NXPE4: variants seen among roughly 807,000 people sequenced by gnomAD.
NXPE4 encodes NXPE family member 4.
NXPE4 carries 42 observed loss-of-function variants against 33.3 expected under a neutral mutation model. The observed-to-expected ratio is 1.26, with a 90% CI of 0.98 to 1.63. The LOEUF is 1.63. Among genes scored for constraint, NXPE4 ranks in the 40% most tolerant of loss-of-function variants. The pLI, the probability that NXPE4 is intolerant of heterozygous loss-of-function variation, is 0.00. For missense variants in NXPE4, 709 were observed against 647.6 expected (o/e 1.09, Z -1.03); for synonymous variants, 253 against 234.9 (o/e 1.08, Z -0.71).
At chr11:114,602,263 AATATATATTAT>A in the NXPE4 span, among the ~76,000 whole-genome samples, 8 of 118,404 alleles carry the variant, frequency 6.8e-5, no homozygotes, top group South Asian at 1.9e-3. Context: ...TGTTATATAT[AATATATATTAT>A]ACTATATATA....
At chr11:114,625,609 A>G in the NXPE4 span, among the ~76,000 whole-genome samples, 1 of 151,702 alleles carries the variant, frequency 6.6e-6, no homozygotes. Context: ...TGGATAATAA[A>G]TATTGCCTCG....
chr11:114,605,586 C>A, the NXPE4 span, among the ~76,000 whole-genome samples: 2 of 151,428 alleles, frequency 1.3e-5, no homozygotes, highest in East Asian at 2.0e-4. Flanking sequence ...ATAAGTATTG[C>A]CTCGTCGGTA....
the NXPE4 span, among the ~76,000 whole-genome samples, chr11:114,667,554 G>C: frequency 3.3e-5 from 5 of 152,130 alleles, no homozygotes; most frequent in African/African-American, 1.2e-4. Context: ...TGGAAGTCAT[G>C]ACATGTGAGA....
upstream of NXPE4, chr11:114,595,880 T>C (rs544618695): frequency 1.6e-4 from 24 of 152,456 alleles, no homozygotes; most frequent in East Asian, 2.4e-3. Context: ...TGAAGTGCTC[T>C]GCATAGTAGG....
chr11:114,624,343 G>C, the NXPE4 span, among the ~76,000 whole-genome samples: 1 of 151,836 alleles, frequency 6.6e-6, no homozygotes, highest in African/African-American at 2.4e-5. Flanking sequence ...TTACTCAGTG[G>C]ATAATAATTA....
the NXPE4 span, among the ~76,000 whole-genome samples, chr11:114,639,991 T>A: frequency 8.4e-6 from 1 of 118,656 alleles, no homozygotes; most frequent in African/African-American, 3.4e-5. Flanking sequence ...AATATAATAA[T>A]GTTATATAAT....
the NXPE4 span, among the ~76,000 whole-genome samples, chr11:114,659,605 A>G: frequency 3.7e-3 from 557 of 152,262 alleles, 2 homozygotes; most frequent in African/African-American, 0.012. Flanking sequence ...TCACAAGAAT[A>G]CTAGAAAATA....
At chr11:114,638,820 T>C in the NXPE4 span, among the ~76,000 whole-genome samples, 1 of 151,990 alleles carries the variant, frequency 6.6e-6, no homozygotes, top group African/African-American at 2.4e-5. Context: ...ATTGTTCCTC[T>C]GGAAGTTTTG....
At chr11:114,659,489 G>A in the NXPE4 span, among the ~76,000 whole-genome samples, 10 of 151,050 alleles carry the variant, frequency 6.6e-5, no homozygotes, top group African/African-American at 2.4e-4. Flanking sequence ...TTACCCTAGA[G>A]ATGTGAAATA....
At chr11:114,627,710 A>T in the NXPE4 span, among the ~76,000 whole-genome samples, 1 of 152,160 alleles carries the variant, frequency 6.6e-6, no homozygotes, top group East Asian at 1.9e-4. Context: ...CTCCAATTAA[A>T]AGACACAGAT....
chr11:114,589,132 G>T (rs1949380482), intron 2 of NXPE4, among the ~76,000 whole-genome samples: 5 of 152,064 alleles, frequency 3.3e-5, no homozygotes, highest in Admixed American at 3.3e-4. Context: ...GGATATCCAG[G>T]AAGCAAGAAG....
chr11:114,613,985 A>T, the NXPE4 span, among the ~76,000 whole-genome samples: 1 of 147,592 alleles, frequency 6.8e-6, no homozygotes, highest in East Asian at 2.1e-4. Flanking sequence ...TATTGCCTCT[A>T]GGGTTACCAC....
the NXPE4 span, among the ~76,000 whole-genome samples, chr11:114,672,851 CAAT>C: frequency 6.6e-6 from 1 of 151,432 alleles, no homozygotes; most frequent in African/African-American, 2.4e-5. Flanking sequence ...GACAATTCAA[CAAT>C]AATAGTTAGA....
the NXPE4 span, among the ~76,000 whole-genome samples, chr11:114,602,762 CAT>C: frequency 8.3e-5 from 12 of 143,766 alleles, no homozygotes; most frequent in Non-Finnish European, 1.2e-4. Flanking sequence ...ATAAGTATCT[CAT>C]ATATAATTAC....
chr11:114,625,912 A>G, the NXPE4 span, among the ~76,000 whole-genome samples: 1 of 152,154 alleles, frequency 6.6e-6, no homozygotes, highest in Non-Finnish European at 1.5e-5. Flanking sequence ...GAAAGGGGTG[A>G]CAGACGGCAC....
chr11:114,592,179 TAA>T (rs1490260413), intron 2 of NXPE4, among the ~76,000 whole-genome samples: 1 of 152,112 alleles, frequency 6.6e-6, no homozygotes, highest in African/African-American at 2.4e-5. Flanking sequence ...CCAGAGCAAT[TAA>T]GTCAGAGAAA....
At chr11:114,633,476 A>G in the NXPE4 span, among the ~76,000 whole-genome samples, 2 of 147,982 alleles carry the variant, frequency 1.4e-5, no homozygotes, top group South Asian at 2.1e-4. Context: ...TTTTAGTATT[A>G]TTATACTTCA....
the NXPE4 span, among the ~76,000 whole-genome samples, chr11:114,613,272 G>T: frequency 2.6e-5 from 4 of 151,934 alleles, no homozygotes; most frequent in Admixed American, 6.6e-5. Flanking sequence ...TGCCTCACAG[G>T]TAACCACTGT....
chr11:114,633,573 A>G, the NXPE4 span, among the ~76,000 whole-genome samples: 1 of 151,490 alleles, frequency 6.6e-6, no homozygotes, highest in African/African-American at 2.4e-5. Context: ...TTGACTCGTC[A>G]TTTAGCATTA....
Sources: gnomAD v4.1 joint callset for allele counts (sites outside exome capture counted in the v4.1 genomes callset) on GRCh38, gnomAD v4.1.1 for gene constraint, MANE v1.5 for transcripts, NCBI Gene and HGNC (gene_info 2026-07-23, HGNC 2026-07-21) for gene names.